Variants in PLCB1 observed in about 807,000 individuals in gnomAD.
The protein encoded by PLCB1 is phospholipase C beta 1.
A neutral mutation model predicts 161.8 loss-of-function variants in PLCB1; 46 were observed. The observed-to-expected ratio is 0.28, with a 90% CI of 0.22 to 0.36. The LOEUF is 0.36. PLCB1 is among the 10% of genes least tolerant of loss of function. PLCB1 has a pLI of 1.00. For missense variants in PLCB1, 1,016 were observed against 1,472.5 expected, an observed-to-expected ratio of 0.69 and a Z score of 5.07; for synonymous variants, 517 against 503.7, an observed-to-expected ratio of 1.03 and a Z score of -0.35.
At chr20:8,200,014 G>A (rs2052075784) in intron 2 of PLCB1, among the ~76,000 whole-genome samples, 1 of 152,068 alleles carries the variant, frequency 6.6e-6, no homozygotes. Context: ...TACCTTTAGA[G>A]TTCTTGTTCT....
intron 31 of PLCB1, among the ~76,000 whole-genome samples, chr20:8,849,396 C>T (rs1986808460): frequency 6.6e-6 from 1 of 152,162 alleles, no homozygotes; most frequent in Non-Finnish European, 1.5e-5. Context: ...CCAAGCAGGG[C>T]CGGGTGCGGT....
At chr20:8,369,374 C>G (rs1338851669) in intron 2 of PLCB1, among the ~76,000 whole-genome samples, 2 of 152,198 alleles carry the variant, frequency 1.3e-5, no homozygotes, top group Non-Finnish European at 2.9e-5. Context: ...TAAACTTCTT[C>G]AAGCTTGATT....
chr20:8,519,207 C>G (rs1984253903), intron 3 of PLCB1, among the ~76,000 whole-genome samples: 1 of 151,980 alleles, frequency 6.6e-6, no homozygotes, highest in African/African-American at 2.4e-5. Context: ...AAAACAGACA[C>G]ACTCCTTGCT....
intron 14 of PLCB1, among the ~76,000 whole-genome samples, chr20:8,721,734 A>G (rs73598301): frequency 6.6e-6 from 1 of 152,172 alleles, no homozygotes; most frequent in Non-Finnish European, 1.5e-5. Flanking sequence ...CAGACAAATC[A>G]TAGGATAAAG....
chr20:8,740,565 T>G, intron 22 of PLCB1, 117 bp downstream of exon 22: 1 of 518,870 alleles, frequency 1.9e-6, no homozygotes, highest in Non-Finnish European at 3.4e-6. Context: ...GATTCTGGCT[T>G]CAGAATCACC....
intron 9 of PLCB1, among the ~76,000 whole-genome samples, chr20:8,669,573 C>T (rs982814807): frequency 2.5e-4 from 38 of 152,174 alleles, no homozygotes; most frequent in African/African-American, 8.9e-4. Context: ...AGTCTTGCTA[C>T]CTGTGTCAAC....
At chr20:8,357,210 A>G (rs963061489) in intron 2 of PLCB1, among the ~76,000 whole-genome samples, 1 of 152,222 alleles carries the variant, frequency 6.6e-6, no homozygotes, top group Non-Finnish European at 1.5e-5. Flanking sequence ...TGTAGAGGAT[A>G]AAGTGTTTTA....
chr20:8,538,392 G>T (rs1234471979), intron 3 of PLCB1, among the ~76,000 whole-genome samples: 1 of 152,156 alleles, frequency 6.6e-6, no homozygotes, highest in Non-Finnish European at 1.5e-5. Context: ...TGTTGCCCAG[G>T]CTGGAGTGCA....
chr20:8,413,895 T>C (rs1032138410), intron 3 of PLCB1, among the ~76,000 whole-genome samples: 3 of 152,204 alleles, frequency 2.0e-5, no homozygotes, highest in African/African-American at 7.2e-5. Flanking sequence ...CTAAACTGAA[T>C]TGCATTTAAT....
chr20:8,744,550 A>G (rs894142971), intron 23 of PLCB1, among the ~76,000 whole-genome samples: 11 of 151,612 alleles, frequency 7.3e-5, no homozygotes, highest in Non-Finnish European at 1.3e-4. Context: ...AGAGGCTGCA[A>G]TTAACTATGA....
chr20:8,396,356 C>T (rs1252609048), intron 3 of PLCB1, among the ~76,000 whole-genome samples: 1 of 152,030 alleles, frequency 6.6e-6, no homozygotes, highest in African/African-American at 2.4e-5. Flanking sequence ...AAACATATTG[C>T]TTTAATGGCA....
intron 3 of PLCB1, among the ~76,000 whole-genome samples, chr20:8,533,431 A>G (rs1205058276): frequency 1.3e-5 from 2 of 152,064 alleles, no homozygotes; most frequent in South Asian, 2.1e-4. Context: ...TCCCTGAGAA[A>G]TCGCCACACT....
At chr20:8,858,912 C>CAAAAA (rs11482207) in intron 31 of PLCB1, among the ~76,000 whole-genome samples, 4 of 111,534 alleles carry the variant, frequency 3.6e-5, no homozygotes, top group Admixed American at 9.9e-5. Context: ...TTTGAGTGTG[C>CAAAAA]AAAAAAAAAA....
In PLCB1 at chr20:8,807,561, GT is replaced by G. The variant is rs544439207; in HGVS notation, c.3423+17312del. On this transcript the variant is annotated intron_variant, in intron 31 of 31. Coordinates refer to ENST00000338037, the MANE Select transcript of PLCB1 (RefSeq NM_015192.4). ...AAGTAGCTACAATTAAATGAATAGT[GT>G]TTTTTTTTTTTCCTTTTAATTCAAC... 3.4e-3 allele frequency among the ~76,000 whole-genome samples: 484 copies of G among 142,814 alleles called. 2 individuals carry two copies. The highest frequency in any genetic ancestry group is 5.5e-3 in the East Asian group (27 of 4,944). 93.7% of individuals were successfully genotyped at this position (142,814 alleles called of 152,430 possible).
chr20:8,696,604 A>G (rs1174304957), intron 10 of PLCB1, among the ~76,000 whole-genome samples: 1 of 152,146 alleles, frequency 6.6e-6, no homozygotes, highest in Non-Finnish European at 1.5e-5. Flanking sequence ...TCTTAGCAAT[A>G]CCAAGTCTTC....
chr20:8,370,275 T>C (rs1600350012), intron 2 of PLCB1, among the ~76,000 whole-genome samples: 2 of 152,204 alleles, frequency 1.3e-5, no homozygotes, highest in Admixed American at 6.5e-5. Flanking sequence ...TCAGTCTCCT[T>C]AGCCAGACAT....
chr20:8,354,219 A>G (rs1003846297), intron 2 of PLCB1, among the ~76,000 whole-genome samples: 1 of 152,300 alleles, frequency 6.6e-6, no homozygotes, highest in African/African-American at 2.4e-5. Context: ...ATACTTAAAA[A>G]TGATTAAAAT....
intron 3 of PLCB1, among the ~76,000 whole-genome samples, chr20:8,590,500 T>C (rs1987116601): frequency 1.3e-5 from 2 of 152,166 alleles, no homozygotes; most frequent in East Asian, 3.8e-4. Context: ...TGTGACAAAT[T>C]ACCACAAACT....
intron 1 of PLCB1, among the ~76,000 whole-genome samples, chr20:8,140,780 AC>A (rs1294443249): frequency 1.3e-5 from 2 of 152,014 alleles, no homozygotes; most frequent in African/African-American, 4.8e-5. Context: ...AACAACAACA[AC>A]AACAAAAAAC....
Sources: allele counts gnomAD v4.1 joint callset (sites outside exome capture counted in the v4.1 genomes callset), GRCh38; gene constraint gnomAD v4.1.1; transcripts MANE v1.5; gene names NCBI Gene and HGNC (gene_info 2026-07-23, HGNC 2026-07-21).